The following PDE11A variants were observed in gnomAD, a reference collection of about 807,000 sequenced individuals.
PDE11A encodes dual 3',5'-cyclic-AMP and -GMP phosphodiesterase 11A.
A neutral mutation model predicts 100.5 loss-of-function variants in PDE11A; 100 were observed. The ratio of observed to expected loss-of-function variants is 1.00; its 90% CI spans 0.85 to 1.18. The LOEUF is 1.18. Among genes scored for constraint, PDE11A ranks in the 50% most tolerant of loss-of-function variants. The pLI is 0.00. For synonymous variants in PDE11A, 381 were observed against 420.8 expected (o/e 0.91, Z 1.16); for missense variants, 1,141 against 1,152.6 (o/e 0.99, Z 0.15).
intron 2 of PDE11A, among the ~76,000 whole-genome samples, chr2:178,085,971 G>A (rs562583176): frequency 2.0e-4 from 30 of 152,304 alleles, no homozygotes; most frequent in African/African-American, 6.7e-4. Flanking sequence ...TTAAAAGACT[G>A]TAACTTAATA....
intron 1 of PDE11A, among the ~76,000 whole-genome samples, chr2:178,062,449 T>G (rs565502413): frequency 1.3e-5 from 2 of 151,446 alleles, no homozygotes; most frequent in South Asian, 4.2e-4. Flanking sequence ...AACAGGGAAG[T>G]GTGAGTAGCC....
At chr2:178,105,750 G>A in intron 1 of PDE11A, 1 of 1,123,558 alleles carries the variant, frequency 8.9e-7, no homozygotes, top group Non-Finnish European at 1.2e-6. Flanking sequence ...TCACCTCACA[G>A]CTCTGAGCCC....
At chr2:177,695,066 T>C (rs1358263864) in intron 15 of PDE11A, among the ~76,000 whole-genome samples, 2 of 151,886 alleles carry the variant, frequency 1.3e-5, no homozygotes, top group African/African-American at 4.8e-5. Context: ...CTGTGATTCT[T>C]GGTTTTCTGC....
At chr2:178,042,335 A>T (rs751091296) in intron 1 of PDE11A, among the ~76,000 whole-genome samples, 4 of 152,134 alleles carry the variant, frequency 2.6e-5, no homozygotes, top group Non-Finnish European at 4.4e-5. Flanking sequence ...AAGATTAGCC[A>T]GGTGTGGTGG....
At chr2:177,968,162 GACAA>G (rs1009953180) in intron 2 of PDE11A, among the ~76,000 whole-genome samples, 41 of 152,132 alleles carry the variant, frequency 2.7e-4, no homozygotes, top group Middle Eastern at 3.4e-3. Flanking sequence ...AGGTAACAAA[GACAA>G]ACAAACAAAC....
At chr2:177,961,427 CTG>C (rs1463090500) in intron 2 of PDE11A, among the ~76,000 whole-genome samples, 2 of 152,168 alleles carry the variant, frequency 1.3e-5, no homozygotes, top group African/African-American at 2.4e-5. Context: ...TTACAAATAA[CTG>C]TATGACATTT....
At chr2:178,068,638 A>G (rs2087082295) in intron 1 of PDE11A, among the ~76,000 whole-genome samples, 1 of 152,206 alleles carries the variant, frequency 6.6e-6, no homozygotes, top group Non-Finnish European at 1.5e-5. Flanking sequence ...TTTACATAGA[A>G]ACTTCAAGAT....
At chr2:177,634,395 T>TCTC in intron 19 of PDE11A, among the ~76,000 whole-genome samples, 1 of 151,474 alleles carries the variant, frequency 6.6e-6, no homozygotes, top group East Asian at 1.9e-4. Flanking sequence ...TCTCTCTTTT[T>TCTC]TTTTTTTTTG....
chr2:177,746,327 A>G (rs966726808), intron 10 of PDE11A, among the ~76,000 whole-genome samples: 6 of 152,216 alleles, frequency 3.9e-5, no homozygotes, highest in Admixed American at 3.9e-4. Context: ...TGGAGGGAAA[A>G]CACAAAATAC....
chr2:177,938,766 G>GT (rs1177355151), intron 2 of PDE11A, among the ~76,000 whole-genome samples: 4 of 152,222 alleles, frequency 2.6e-5, no homozygotes. Flanking sequence ...CACAAAACCA[G>GT]TATGTTGAAG....
At chr2:178,106,939 G>A (rs1343435382) in intron 1 of PDE11A, among the ~76,000 whole-genome samples, 4 of 107,352 alleles carry the variant, frequency 3.7e-5, no homozygotes, top group African/African-American at 1.1e-4. Flanking sequence ...CAGCCTGGGC[G>A]ACAAAGCAAG....
rs567539710 is a variant in PDE11A at position 177,646,660 on chromosome 2, G to T, written c.2647-17098C>A. Among the ~76,000 whole-genome samples the T allele has an allele frequency of 3.9e-5, 6 of 152,306 alleles. No homozygotes were observed. The East Asian group carries it at 1.2e-3, about 29-fold the overall frequency. ...TGGGTATCTCACACCTTACTGCAGT[G>T]TTGAGGACAATGGTGCAACTTTTTT... On this transcript the variant is annotated intron_variant, in intron 19 of 19. Transcript: ENST00000286063.
chr2:177,964,586 G>C (rs139765327), intron 2 of PDE11A, among the ~76,000 whole-genome samples: 2 of 152,140 alleles, frequency 1.3e-5, no homozygotes, highest in East Asian at 3.9e-4. Context: ...TCCCTTCTTT[G>C]TGTCCATATG....
chr2:177,738,192 C>G (rs569263360), intron 10 of PDE11A, among the ~76,000 whole-genome samples: 1 of 152,238 alleles, frequency 6.6e-6, no homozygotes, highest in South Asian at 2.1e-4. Context: ...AGAGGAGTCC[C>G]TAACCCTGTG....
At chr2:178,025,709 T>C (rs2086470204) in intron 1 of PDE11A, among the ~76,000 whole-genome samples, 1 of 152,174 alleles carries the variant, frequency 6.6e-6, no homozygotes, top group African/African-American at 2.4e-5. Flanking sequence ...TGCAAATATA[T>C]TGTACCTAGA....
At chr2:177,633,707 A>G (rs756537706) in intron 19 of PDE11A, among the ~76,000 whole-genome samples, 1 of 152,214 alleles carries the variant, frequency 6.6e-6, no homozygotes, top group Admixed American at 6.5e-5. Context: ...TATTTAGACA[A>G]TAGTGTGAGG....
rs370208082 is a variant in PDE11A at position 178,071,598 on chromosome 2, G to T, written c.840C>A (p.Val280=). The change falls in exon 1 of 20, where the codon GTC becomes GTA. Residue 280 remains valine (V), a synonymous_variant. Coordinates refer to ENST00000286063, the MANE Select transcript of PDE11A (RefSeq NM_016953.4). ...SSTENSNEVQ[V]PWGKGIIGYV... is the part of the protein sequence containing the mutation. ...AGCCAATGATACCTTTGCCCCAGGG[G>T]ACCTGCACCTCATTTGAGTTCTCTG... is the stretch of plus-strand genomic sequence containing the variant. 88 of 1,613,604 alleles carry T rather than the reference G, an allele frequency of 5.5e-5. No individual in the cohort carries two copies. Among genetic ancestry groups the T allele is most frequent in the Non-Finnish European group, 7.0e-5 (83 of 1,179,668 alleles).
intron 2 of PDE11A, among the ~76,000 whole-genome samples, chr2:178,097,539 C>T (rs760712766): frequency 2.0e-5 from 3 of 152,118 alleles, no homozygotes; most frequent in Non-Finnish European, 4.4e-5. Context: ...ACCTCCCACC[C>T]GGTCCCTCCC....
chr2:177,906,740 T>C (rs980649775), intron 2 of PDE11A, among the ~76,000 whole-genome samples: 8 of 152,214 alleles, frequency 5.3e-5, no homozygotes, highest in Non-Finnish European at 1.0e-4. Flanking sequence ...TTAGAAAGTC[T>C]GTCCATAAGC....
Sources: allele counts gnomAD v4.1 joint callset (sites outside exome capture counted in the v4.1 genomes callset), GRCh38; gene constraint gnomAD v4.1.1; transcripts MANE v1.5; gene names NCBI Gene and HGNC (gene_info 2026-07-23, HGNC 2026-07-21).